SBF2: variants seen among roughly 807,000 people sequenced by gnomAD.
SBF2 encodes the protein SET binding factor 2.
Under a neutral mutation model 225.2 loss-of-function variants are expected in SBF2, and 112 were observed. The ratio of observed to expected loss-of-function variants is 0.50; its 90% CI spans 0.43 to 0.58. The LOEUF is 0.58. SBF2 is among the 20% of genes least tolerant of loss of function. The probability of loss-of-function intolerance (pLI) is 0.00; values close to 1 mark genes in which losing one functional copy is unlikely to be tolerated. For missense variants in SBF2, 1,996 were observed against 2,206.2 expected, an observed-to-expected ratio of 0.90 and a Z score of 1.91; for synonymous variants, 763 against 773.3, an observed-to-expected ratio of 0.99 and a Z score of 0.22.
intron 16 of SBF2, among the ~76,000 whole-genome samples, chr11:9,928,445 A>G (rs1864227596): frequency 6.6e-6 from 1 of 152,232 alleles, no homozygotes; most frequent in Non-Finnish European, 1.5e-5. Flanking sequence ...AAGACTGACT[A>G]CAGGAAGTGT....
chr11:10,166,961 C>CCACACACA (rs373552790), intron 2 of SBF2, among the ~76,000 whole-genome samples: 7 of 125,968 alleles, frequency 5.6e-5, no homozygotes, highest in African/African-American at 1.6e-4. Flanking sequence ...GACTCTGTCT[C>CCACACACA]CACACACACA....
chr11:10,166,910 C>T (rs1365507419), intron 2 of SBF2, among the ~76,000 whole-genome samples: 3 of 151,660 alleles, frequency 2.0e-5, no homozygotes, highest in East Asian at 3.9e-4. Flanking sequence ...TGCAGTGAGC[C>T]GAGATCATGC....
At chr11:10,129,739 A>T (rs1203524654) in intron 2 of SBF2, among the ~76,000 whole-genome samples, 1 of 152,152 alleles carries the variant, frequency 6.6e-6, no homozygotes, top group Admixed American at 6.5e-5. Context: ...AATCAAATAA[A>T]AAGGCAGTAA....
Position 9,780,314 on chromosome 11 carries a change from C to T in SBF2, c.*104G>A. 1.0e-6 allele frequency: 1 copy of T among 989,456 alleles called. No homozygotes were observed. The highest frequency in any genetic ancestry group is 2.0e-5 in the Admixed American group (1 of 51,086). The allele number at this position is 989,456 out of a possible 1,614,324, so 61.3% of individuals were successfully genotyped here. A position where few individuals can be genotyped will look rare whatever the true frequency, so the allele number is the denominator to read the frequency against. On this transcript the variant is annotated 3_prime_UTR_variant, in exon 40 of 40. Transcript: ENST00000256190. Reference sequence around the variant, plus strand: ...GGGACTGGGCAGGAGAACCTCAGGCCCTGGGATAACTTGTTGTCAGCTCCT... The same window carrying T: ...GGGACTGGGCAGGAGAACCTCAGGCTCTGGGATAACTTGTTGTCAGCTCCT...
chr11:9,923,656 T>G (rs79630589), intron 16 of SBF2, among the ~76,000 whole-genome samples: 3,119 of 152,312 alleles, frequency 0.02, 56 homozygotes, highest in Non-Finnish European at 0.03. Flanking sequence ...AGGCTCCTCC[T>G]GGCACATGGA....
chr11:10,044,415 G>A (rs1238761919), intron 2 of SBF2: 1 of 154,850 alleles, frequency 6.5e-6, no homozygotes, highest in Non-Finnish European at 1.4e-5. Context: ...GATATAATAA[G>A]CAAATTATAT....
At position 9,780,460 on chromosome 11, in the gene SBF2, C is replaced by T; in HGVS notation, c.5508G>A (p.Gln1836=). The T allele has an allele frequency of 1.2e-6, 2 of 1,614,156 alleles. No homozygotes were observed. Among genetic ancestry groups the T allele is most frequent in the African/African-American group, 1.3e-5 (1 of 75,046 alleles). The change falls in exon 40 of 40, where the codon CAG becomes CAA. Residue 1836 remains glutamine (Q), a synonymous_variant. Coordinates refer to ENST00000256190, the MANE Select transcript of SBF2 (RefSeq NM_030962.4). The part of the protein sequence containing the change: ...NFCAQDGQSA[Q]QWMDKIQSCI... ...AACTCTGGATCTTGTCCATCCATTG[C>T]TGGGCACTCTGTCCATCCTGGGCGC...
chr11:9,794,702 A>AAAAAAAAAAAAAAAAAC (rs1852998643), intron 33 of SBF2, among the ~76,000 whole-genome samples: 2 of 148,834 alleles, frequency 1.3e-5, no homozygotes, highest in Non-Finnish European at 3.0e-5. Flanking sequence ...AAAAAAAAAA[A>AAAAAAAAAAAAAAAAAC]AAAAAGACCA....
chr11:10,159,919 T>G lies in SBF2; in HGVS notation c.141+33983A>C, dbSNP rs769815579. ...AAAAAAACCTCTGCCCCCTAAATGC[T>G]TGGGGAGACTGATTTGAGTAATGAT... On this transcript the variant is annotated intron_variant, in intron 2 of 39. Transcript: ENST00000256190. Among the ~76,000 whole-genome samples the G allele has an allele frequency of 2.0e-5, 3 of 151,698 alleles. No homozygotes were observed. The South Asian group carries it at 6.2e-4, about 32-fold the overall frequency.
chr11:10,065,756 A>G (rs990866038), intron 2 of SBF2, among the ~76,000 whole-genome samples: 2 of 152,148 alleles, frequency 1.3e-5, no homozygotes, highest in Non-Finnish European at 2.9e-5. Flanking sequence ...GTTCGAGACC[A>G]GCTTAACATG....
At chr11:10,235,976 T>C (rs1261336704) in intron 1 of SBF2, among the ~76,000 whole-genome samples, 3 of 151,984 alleles carry the variant, frequency 2.0e-5, no homozygotes, top group South Asian at 4.2e-4. Flanking sequence ...GAGGCTGAGA[T>C]AGGACAATCA....
At chr11:10,179,389 A>G (rs2135280505) in intron 2 of SBF2, among the ~76,000 whole-genome samples, 1 of 151,024 alleles carries the variant, frequency 6.6e-6, no homozygotes, top group South Asian at 2.1e-4. Flanking sequence ...CAAAAAAACA[A>G]AAAAAAACAA....
At position 9,862,541 on chromosome 11, in the gene SBF2, A is replaced by G. The variant is rs1379940402; in HGVS notation, c.1930-4145T>C. On this transcript the variant is annotated intron_variant, in intron 17 of 39. Coordinates refer to ENST00000256190, the MANE Select transcript of SBF2 (RefSeq NM_030962.4). ...CAGAAATAAAGCTTTCCATTACTCT[A>G]CGTTGTTTCTGTAAGATACAAAATG... Among the ~76,000 whole-genome samples, 4 of 152,232 alleles carry G rather than the reference A, an allele frequency of 2.6e-5. No individual in the cohort carries two copies. The East Asian group carries it at 7.7e-4, about 29-fold the overall frequency.
intron 32 of SBF2, among the ~76,000 whole-genome samples, chr11:9,806,884 T>C (rs765586757): frequency 1.3e-5 from 2 of 152,196 alleles, no homozygotes; most frequent in South Asian, 2.1e-4. Flanking sequence ...AATAGGTGAA[T>C]TGTATGATAT....
chr11:10,204,234 T>C (rs1470110291), intron 1 of SBF2, among the ~76,000 whole-genome samples: 1 of 134,692 alleles, frequency 7.4e-6, no homozygotes, highest in Non-Finnish European at 1.6e-5. Context: ...TTTAAAATAC[T>C]GAAAGCAAAA....
At chr11:9,961,491 C>T (rs1866564128) in intron 16 of SBF2, 1 of 154,214 alleles carries the variant, frequency 6.5e-6, no homozygotes, top group Non-Finnish European at 1.4e-5. Context: ...AAAGATCATA[C>T]ACACATTTTG....
At chr11:9,959,696 T>C (rs934195864) in intron 16 of SBF2, 3 of 717,524 alleles carry the variant, frequency 4.2e-6, no homozygotes, top group Non-Finnish European at 7.9e-6. Context: ...TCGATTCAGA[T>C]ATACATGGCC....
At chr11:10,153,733 G>C (rs1816462114) in intron 2 of SBF2, among the ~76,000 whole-genome samples, 1 of 151,898 alleles carries the variant, frequency 6.6e-6, no homozygotes, top group Non-Finnish European at 1.5e-5. Flanking sequence ...ATGAAAGCTG[G>C]TCTTGAAAAG....
rs550599432 is a variant in SBF2 at position 10,225,347 on chromosome 11, T to C, written c.56-31360A>G. Among the ~76,000 whole-genome samples, 163 of 151,868 alleles carry C rather than the reference T, an allele frequency of 1.1e-3. 1 individual carries two copies. Among genetic ancestry groups the C allele is most frequent in the South Asian group, 6.0e-3 (29 of 4,812 alleles). ...AAGACACAAGTGGAACATGAAATTA[T>C]GCCAGATAAATGAAAAAGATCTTTT... On this transcript the variant is annotated intron_variant, in intron 1 of 39. Transcript: ENST00000256190.
Sources: gnomAD v4.1 joint callset for allele counts (sites outside exome capture counted in the v4.1 genomes callset) on GRCh38, gnomAD v4.1.1 for gene constraint, MANE v1.5 for transcripts, NCBI Gene and HGNC (gene_info 2026-07-23, HGNC 2026-07-21) for gene names.